AFF2: variants seen among roughly 807,000 people sequenced by gnomAD.
AFF2 encodes the protein ALF transcription elongation factor 2.
A neutral mutation model predicts 76.9 loss-of-function variants in AFF2; 14 were observed. The observed-to-expected ratio is 0.18, with a 90% CI of 0.12 to 0.28. The LOEUF is 0.28. Ranked by LOEUF, AFF2 falls within the 10% of genes least tolerant of loss-of-function variation. The pLI, the probability that AFF2 is intolerant of heterozygous loss-of-function variation, is 1.00. For missense variants in AFF2, 868 were observed against 1,001.1 expected (o/e 0.87, Z 1.79); for synonymous variants, 398 against 366.7 (o/e 1.09, Z -0.98).
rs1232890657 is a variant in AFF2, at chrX:148,879,189, T to G, written c.1263-6700T>G. Among the ~76,000 whole-genome samples, 5 of 112,179 alleles carry G rather than the reference T, an allele frequency of 4.5e-5. No homozygotes were observed. The Admixed American group carries it at 4.7e-4, about 11-fold the overall frequency. ...TATTCTCCTACTGTTGTTTGAGAACTCAGCACTGTAGGCTGTCAGGCTATG... is the reference window on the plus strand; with the variant it reads ...TATTCTCCTACTGTTGTTTGAGAACGCAGCACTGTAGGCTGTCAGGCTATG... On this transcript the variant is annotated intron_variant, in intron 7 of 20. Transcript: ENST00000370460.
intron 1 of AFF2, among the ~76,000 whole-genome samples, chrX:148,639,235 T>A (rs2054063345): frequency 8.9e-6 from 1 of 112,473 alleles, no homozygotes; most frequent in Non-Finnish European, 1.9e-5. Context: ...AAGAGTCTGT[T>A]GCTTTTCAAA....
intron 19 of AFF2, among the ~76,000 whole-genome samples, chrX:148,985,895 T>G (rs1203578836): frequency 1.8e-5 from 2 of 110,999 alleles, no homozygotes; most frequent in Admixed American, 1.9e-4. Context: ...ATGGTCCAAC[T>G]CTGTCCTATA....
rs897844166 is a variant in AFF2, at chrX:148,606,500, A to T, written c.48-45499A>T. On this transcript the variant is annotated intron_variant, in intron 1 of 20. Coordinates refer to ENST00000370460, the MANE Select transcript of AFF2 (RefSeq NM_002025.4). Reference sequence around the variant, plus strand: ...AGTCTAAAATTCTTTCAAAATAATTAAAAAAAAAAAGTCAAGTCAGCCTTG... The same window carrying T: ...AGTCTAAAATTCTTTCAAAATAATTTAAAAAAAAAAGTCAAGTCAGCCTTG... Among the ~76,000 whole-genome samples the T allele has an allele frequency of 8.6e-3, 73 of 8,493 alleles. 1 individual carries two copies. Among genetic ancestry groups the T allele is most frequent in the Admixed American group, 0.033 (25 of 749 alleles). 7.4% of individuals were successfully genotyped at this position (8,493 alleles called of 115,157 possible). A position where few individuals can be genotyped will look rare whatever the true frequency, so the allele number is the denominator to read the frequency against.
chrX:148,871,561 A>C (rs1557277360), intron 7 of AFF2, among the ~76,000 whole-genome samples: 1 of 111,995 alleles, frequency 8.9e-6, no homozygotes, highest in Non-Finnish European at 1.9e-5. Context: ...ATCAGCCCTC[A>C]CATCGTATTA....
intron 5 of AFF2, among the ~76,000 whole-genome samples, chrX:148,839,431 C>G (rs1409962787): frequency 8.1e-5 from 9 of 111,755 alleles, no homozygotes; most frequent in African/African-American, 2.9e-4. Flanking sequence ...TAATTTAATC[C>G]CCACTACAAC....
intron 1 of AFF2, among the ~76,000 whole-genome samples, chrX:148,524,662 G>A (rs2052638966): frequency 8.9e-6 from 1 of 112,464 alleles, no homozygotes. Context: ...AGAGGATGTG[G>A]AGACAACATT....
intron 1 of AFF2, among the ~76,000 whole-genome samples, chrX:148,504,033 T>TA (rs782371551): frequency 9.9e-5 from 11 of 110,908 alleles, no homozygotes; most frequent in Non-Finnish European, 1.3e-4. Flanking sequence ...AAAGATAAAT[T>TA]AAAAAAAAAT....
chrX:148,661,664 T>C (rs781958878), intron 2 of AFF2, among the ~76,000 whole-genome samples: 1 of 112,136 alleles, frequency 8.9e-6, no homozygotes, highest in East Asian at 2.8e-4. Flanking sequence ...TGAACATGTT[T>C]AAGGACTGGC....
chrX:148,761,049 A>G (rs2069433638), intron 3 of AFF2, among the ~76,000 whole-genome samples: 1 of 111,801 alleles, frequency 8.9e-6, no homozygotes, highest in Admixed American at 9.5e-5. Flanking sequence ...CACTATTCCT[A>G]TGTATTCTGA....
At chrX:148,538,255 T>C (rs2052809174) in intron 1 of AFF2, among the ~76,000 whole-genome samples, 1 of 112,687 alleles carries the variant, frequency 8.9e-6, no homozygotes, top group Non-Finnish European at 1.9e-5. Flanking sequence ...ACAGTTGTTC[T>C]CAGGTATAGG....
rs1234740199 is a variant in AFF2, at chrX:148,602,800, G to A, written c.48-49199G>A. 9.3e-5 allele frequency among the ~76,000 whole-genome samples: 9 copies of A among 97,207 alleles called. No homozygotes were observed. In the Admixed American group the frequency reaches 1.1e-3, roughly 12 times the overall value. 84.4% of individuals were successfully genotyped at this position (97,207 alleles called of 115,157 possible). ...TTCATTTTCCTAATCTGTAAAAGGT[G>A]AATAATAGTAGCCACTTCAAAAGTT... is the stretch of plus-strand genomic sequence containing the variant. On this transcript the variant is annotated intron_variant, in intron 1 of 20. Transcript: ENST00000370460.
At chrX:148,942,033 G>A (rs1194388389) in intron 9 of AFF2, among the ~76,000 whole-genome samples, 4 of 110,230 alleles carry the variant, frequency 3.6e-5, no homozygotes, top group African/African-American at 1.3e-4. Context: ...ATCAAGGAAT[G>A]TACAATTTAG....
At chrX:148,834,505 ATGTGTGTGTGTGTG>A (rs61709112) in intron 4 of AFF2, among the ~76,000 whole-genome samples, 17 of 91,702 alleles carry the variant, frequency 1.9e-4, no homozygotes, top group Admixed American at 6.1e-4. Flanking sequence ...CCAGTCTCAG[ATGTGTGTGTGTGTG>A]TGTGTGTGTG....
Position 148,842,993 on chromosome X carries a change from A to G in AFF2, c.1201A>G (p.Thr401Ala). The G allele has an allele frequency of 8.3e-7, 1 of 1,204,777 alleles. No individual in the cohort carries two copies. Among genetic ancestry groups the G allele is most frequent in the Non-Finnish European group, 1.1e-6 (1 of 890,873 alleles). ...ATCGCAGCATCTGACCCCAGGATTC[A>G]CCTTACAAAGTAAGTGGTTTTGAAA... ...QESQHLTPGF[T>A]LQKWNDPTTR... The change falls in exon 6 of 21, where the codon ACC becomes GCC. Residue 401 changes from threonine to alanine, a missense_variant. Transcript: ENST00000370460.
At chrX:148,604,319 A>T (rs927198078) in intron 1 of AFF2, among the ~76,000 whole-genome samples, 2 of 112,881 alleles carry the variant, frequency 1.8e-5, no homozygotes, top group South Asian at 7.1e-4. Flanking sequence ...TCCAATTGCA[A>T]TGCAATAAAT....
chrX:148,641,110 A>G (rs1557254629), intron 1 of AFF2, among the ~76,000 whole-genome samples: 1 of 110,053 alleles, frequency 9.1e-6, no homozygotes, highest in African/African-American at 3.4e-5. Flanking sequence ...AAAAGCTTTT[A>G]TTATGTCTTT....
intron 4 of AFF2, among the ~76,000 whole-genome samples, chrX:148,830,767 A>G (rs899075906): frequency 2.7e-5 from 3 of 111,848 alleles, no homozygotes; most frequent in Non-Finnish European, 3.8e-5. Flanking sequence ...TAAAATTACT[A>G]TGAAGTTTCG....
chrX:148,748,659 G>A (rs1412062487), intron 3 of AFF2, among the ~76,000 whole-genome samples: 2 of 111,730 alleles, frequency 1.8e-5, no homozygotes, highest in Non-Finnish European at 3.8e-5. Context: ...CCCTGTGGAG[G>A]GAAGATGGGC....
chrX:148,566,789 T>C (rs2053175215), intron 1 of AFF2, among the ~76,000 whole-genome samples: 1 of 111,358 alleles, frequency 9.0e-6, no homozygotes, highest in African/African-American at 3.3e-5. Flanking sequence ...TTGCAAGACA[T>C]GCACACTTAT....
Sources: allele counts gnomAD v4.1 joint callset (sites outside exome capture counted in the v4.1 genomes callset), GRCh38; gene constraint gnomAD v4.1.1; transcripts MANE v1.5; gene names NCBI Gene and HGNC (gene_info 2026-07-23, HGNC 2026-07-21).